The following COL22A1 variants were observed in gnomAD, a reference collection of about 807,000 sequenced individuals.
COL22A1 encodes the protein collagen alpha-1(XXII) chain.
Under a neutral mutation model 248.9 loss-of-function variants are expected in COL22A1, and 221 were observed. The ratio of observed to expected loss-of-function variants is 0.89; its 90% CI spans 0.80 to 0.99. The LOEUF (loss-of-function observed/expected upper bound fraction) is 0.99, where lower values mean the gene tolerates loss of function less well. Ranked by LOEUF, COL22A1 falls within the 50% of genes least tolerant of loss-of-function variation. The probability of loss-of-function intolerance (pLI) is 0.00; values close to 1 mark genes in which losing one functional copy is unlikely to be tolerated. For missense variants in COL22A1, 2,240 were observed against 2,179.0 expected (o/e 1.03, Z -0.56); for synonymous variants, 891 against 793.4 (o/e 1.12, Z -2.07).
intron 3 of COL22A1, among the ~76,000 whole-genome samples, chr8:138,858,453 T>C (rs1822209139): frequency 6.6e-6 from 1 of 152,124 alleles, no homozygotes; most frequent in South Asian, 2.1e-4. Flanking sequence ...CAATCACAGC[T>C]CACTGCAGCC....
chr8:138,781,113 C>T (rs1006244537), intron 12 of COL22A1, 133 bp from the exon 13 acceptor site: 19 of 677,086 alleles, frequency 2.8e-5, no homozygotes, highest in African/African-American at 1.1e-4. Flanking sequence ...AATTGATCCA[C>T]AAGCCTGCAG....
chr8:138,640,911 T>G (rs541747894), intron 47 of COL22A1, among the ~76,000 whole-genome samples: 4 of 152,316 alleles, frequency 2.6e-5, no homozygotes, highest in Admixed American at 2.0e-4. Flanking sequence ...CAAAGTGGGT[T>G]GGGGACCACT....
intron 32 of COL22A1, among the ~76,000 whole-genome samples, 174 bp downstream of exon 32, chr8:138,699,938 C>A (rs1437814115): frequency 6.6e-6 from 1 of 152,242 alleles, no homozygotes; most frequent in Admixed American, 6.5e-5. Context: ...CAGCTCCCTG[C>A]AAGGCCCTTT....
At chr8:138,735,488 G>A (rs533522043) in intron 23 of COL22A1, among the ~76,000 whole-genome samples, 9 of 152,250 alleles carry the variant, frequency 5.9e-5, no homozygotes, top group Admixed American at 1.3e-4. Context: ...ATGAAAGAAC[G>A]AAATCTCTTT....
At chr8:138,780,063 C>T (rs922982855) in intron 13 of COL22A1, among the ~76,000 whole-genome samples, 15 of 152,174 alleles carry the variant, frequency 9.9e-5, no homozygotes, top group African/African-American at 3.6e-4. Context: ...TGCCTGGCAA[C>T]ACAGTATTAG....
chr8:138,855,742 T>G (rs1471146152), intron 3 of COL22A1, among the ~76,000 whole-genome samples: 1 of 152,188 alleles, frequency 6.6e-6, no homozygotes, highest in African/African-American at 2.4e-5. Flanking sequence ...CTCATTAGAT[T>G]AGGGCTCCAT....
At position 138,901,565 on chromosome 8, in the gene COL22A1, C is replaced by T. The variant is rs140873630; in HGVS notation, c.-73+12054G>A. 8.3e-3 allele frequency among the ~76,000 whole-genome samples: 1,256 copies of T among 152,016 alleles called. 24 individuals are homozygous for T. Among genetic ancestry groups the T allele is most frequent in the African/African-American group, 0.028 (1,158 of 41,466 alleles). ...TACTTTTTGTAGAGACAGGGTTTCACCATGTTGCCTAGGCTGGTCTCAAAT... is the reference window on the plus strand; with the variant it reads ...TACTTTTTGTAGAGACAGGGTTTCATCATGTTGCCTAGGCTGGTCTCAAAT... On this transcript the variant is annotated intron_variant, in intron 1 of 64. Transcript: ENST00000303045.
chr8:138,910,431 T>A (rs1039954809), intron 1 of COL22A1, among the ~76,000 whole-genome samples: 1 of 152,164 alleles, frequency 6.6e-6, no homozygotes, highest in Non-Finnish European at 1.5e-5. Flanking sequence ...TGGTGCCTCA[T>A]GAGACCTATG....
intron 49 of COL22A1, among the ~76,000 whole-genome samples, chr8:138,631,551 G>A (rs750321961): frequency 1.3e-5 from 2 of 152,180 alleles, no homozygotes; most frequent in Non-Finnish European, 2.9e-5. Flanking sequence ...CAACTCAAGG[G>A]TGAAGAGATG....
At chr8:138,693,400 C>T (rs1482138736) in intron 35 of COL22A1, among the ~76,000 whole-genome samples, 3 of 152,202 alleles carry the variant, frequency 2.0e-5, no homozygotes, top group Non-Finnish European at 1.5e-5. Flanking sequence ...GTCTCATCCA[C>T]ATGTGCATAG....
intron 2 of COL22A1, among the ~76,000 whole-genome samples, chr8:138,881,945 C>A (rs1824246285): frequency 6.6e-6 from 1 of 152,108 alleles, no homozygotes; most frequent in Non-Finnish European, 1.5e-5. Context: ...GTTGCCATGT[C>A]TCTCCCCTCC....
chr8:138,679,753 G>T, intron 39 of COL22A1, 77 bp from the exon 40 acceptor site: 1 of 871,020 alleles, frequency 1.1e-6, no homozygotes, highest in Non-Finnish European at 1.6e-6. Context: ...CAGCCCCTCT[G>T]TTAGGTACTG....
In COL22A1 at chr8:138,867,239, G is replaced by A. The variant is rs150927715; in HGVS notation, c.658+10511C>T. On this transcript the variant is annotated intron_variant, in intron 3 of 64. Transcript: ENST00000303045. Reference sequence around the variant, plus strand: ...TGGCCAGTGATCTGGCCTTTGGGCTGTAGTTTGCTGTCCTTTGAATTCGAT... The same window carrying A: ...TGGCCAGTGATCTGGCCTTTGGGCTATAGTTTGCTGTCCTTTGAATTCGAT... Among the ~76,000 whole-genome samples the A allele has an allele frequency of 2.1e-3, 313 of 152,270 alleles. 3 individuals carry two copies. The highest frequency in any genetic ancestry group is 3.8e-3 in the Non-Finnish European group (257 of 68,026).
intron 41 of COL22A1, among the ~76,000 whole-genome samples, chr8:138,664,203 G>A (rs558942775): frequency 5.5e-5 from 5 of 90,180 alleles, no homozygotes; most frequent in East Asian, 3.1e-4. Flanking sequence ...GTGCGCGCGC[G>A]CGCGCGCACA....
chr8:138,738,601 A>T (rs1308362550), intron 22 of COL22A1, among the ~76,000 whole-genome samples: 1 of 152,098 alleles, frequency 6.6e-6, no homozygotes, highest in African/African-American at 2.4e-5. Context: ...CCATGTTCTC[A>T]TCCCATTGAC....
At chr8:138,908,538 A>T (rs1425823842) in intron 1 of COL22A1, among the ~76,000 whole-genome samples, 1 of 152,238 alleles carries the variant, frequency 6.6e-6, no homozygotes, top group African/African-American at 2.4e-5. Flanking sequence ...TGTTAAGAGC[A>T]TAGGCTTTGT....
intron 3 of COL22A1, among the ~76,000 whole-genome samples, chr8:138,851,463 C>T (rs551340419): frequency 6.6e-6 from 1 of 152,180 alleles, no homozygotes; most frequent in Non-Finnish European, 1.5e-5. Flanking sequence ...TAGCAGCAGG[C>T]GCTGCTCATG....
intron 41 of COL22A1, among the ~76,000 whole-genome samples, chr8:138,672,412 C>T (rs1825112373): frequency 6.6e-6 from 1 of 152,012 alleles, no homozygotes; most frequent in African/African-American, 2.4e-5. Flanking sequence ...ATATATTATT[C>T]CTTGGAAGGT....
At chr8:138,725,543 G>C (rs989715154) in intron 23 of COL22A1, 103 bp from the exon 24 acceptor site, 8 of 891,648 alleles carry the variant, frequency 9.0e-6, no homozygotes, top group Non-Finnish European at 1.4e-5. Context: ...AGGAGGATGA[G>C]GTGGGATTTT....
Sources: allele counts gnomAD v4.1 joint callset (sites outside exome capture counted in the v4.1 genomes callset), GRCh38; gene constraint gnomAD v4.1.1; transcripts MANE v1.5; gene names NCBI Gene and HGNC (gene_info 2026-07-23, HGNC 2026-07-21).